The following BAIAP2L1 variants were observed in gnomAD, a reference collection of about 807,000 sequenced individuals.
BAIAP2L1 encodes the protein BAR/IMD domain-containing adapter protein 2-like 1.
A neutral mutation model predicts 66.3 loss-of-function variants in BAIAP2L1; 35 were observed. The ratio of observed to expected loss-of-function variants is 0.53; its 90% CI spans 0.40 to 0.70. The LOEUF (loss-of-function observed/expected upper bound fraction) is 0.70, where lower values mean the gene tolerates loss of function less well. BAIAP2L1 is among the 30% of genes least tolerant of loss of function. The pLI is 0.00. For synonymous variants in BAIAP2L1, 269 were observed against 248.7 expected (o/e 1.08, Z -0.77); for missense variants, 622 against 656.9 (o/e 0.95, Z 0.58).
intron 12 of BAIAP2L1, among the ~76,000 whole-genome samples, 189 bp from the exon 13 acceptor site, chr7:98,294,300 G>A (rs1800095149): frequency 6.6e-6 from 1 of 152,180 alleles, no homozygotes; most frequent in African/African-American, 2.4e-5. Context: ...GCCTGTATTG[G>A]AGATTTTTAA....
chr7:98,392,935 G>T (rs1006235146), intron 1 of BAIAP2L1, among the ~76,000 whole-genome samples: 1 of 145,736 alleles, frequency 6.9e-6, no homozygotes, highest in Non-Finnish European at 1.5e-5. Context: ...TGGAATTACA[G>T]GCACCCGCCA....
intron 2 of BAIAP2L1, among the ~76,000 whole-genome samples, chr7:98,359,749 T>G (rs1312898185): frequency 1.4e-5 from 2 of 146,498 alleles, no homozygotes; most frequent in South Asian, 2.1e-4. Flanking sequence ...ACCTGGGTTT[T>G]TTTTTTTTTT....
At chr7:98,360,740 C>T (rs185163839) in intron 2 of BAIAP2L1, among the ~76,000 whole-genome samples, 130 of 152,256 alleles carry the variant, frequency 8.5e-4, no homozygotes, top group African/African-American at 2.9e-3. Flanking sequence ...ACTAAGCAAT[C>T]TTCGAGGGAG....
rs769453139 is a variant in BAIAP2L1, at chr7:98,315,448, C to T, written c.639+12G>A. The T allele has an allele frequency of 4.3e-6, 6 of 1,406,596 alleles. No homozygotes were observed. The East Asian group carries it at 1.1e-4, about 25-fold the overall frequency. The allele number at this position is 1,406,596 out of a possible 1,614,324, so 87.1% of individuals were successfully genotyped here. A position where few individuals can be genotyped will look rare whatever the true frequency, so the allele number is the denominator to read the frequency against. On this transcript the variant is annotated intron_variant, in intron 7 of 13. Coordinates refer to ENST00000005260, the MANE Select transcript of BAIAP2L1 (RefSeq NM_018842.5). The stretch of plus-strand genomic sequence containing the variant: ...TATTAATACGCTCAAGGCAATTTGC[C>T]ACCACACCCACCTGTAAGTGATAAT...
In BAIAP2L1 at chr7:98,386,690, A is replaced by T; in HGVS notation, c.51+14112T>A. ...CTTCTCTCCTATATTCAACTTTCCA[A>T]AGGTTTTTTTTTTTTTTTTTTTTTT... On this transcript the variant is annotated intron_variant, in intron 1 of 13. Transcript: ENST00000005260. 7 of 400,002 alleles carry T rather than the reference A, an allele frequency of 1.7e-5. No homozygotes were observed. In the South Asian group the frequency reaches 1.8e-4, roughly 10 times the overall value. 24.8% of individuals were successfully genotyped at this position (400,002 alleles called of 1,614,324 possible).
At chr7:98,340,428 C>T (rs1304252786) in intron 3 of BAIAP2L1, among the ~76,000 whole-genome samples, 1 of 152,086 alleles carries the variant, frequency 6.6e-6, no homozygotes, top group Non-Finnish European at 1.5e-5. Flanking sequence ...GCTGGGACTA[C>T]AGGCGCCCGC....
intron 12 of BAIAP2L1, among the ~76,000 whole-genome samples, chr7:98,297,026 C>T (rs534585204): frequency 2.0e-5 from 3 of 152,334 alleles, no homozygotes; most frequent in East Asian, 3.9e-4. Context: ...CCCAGGGCCC[C>T]GCGGGCACTG....
intron 1 of BAIAP2L1, among the ~76,000 whole-genome samples, chr7:98,373,271 T>A (rs1285455773): frequency 6.6e-6 from 1 of 152,104 alleles, no homozygotes; most frequent in Admixed American, 6.5e-5. Flanking sequence ...TACAGAAAAA[T>A]TAGACAACTG....
intron 1 of BAIAP2L1, among the ~76,000 whole-genome samples, chr7:98,388,985 CAA>C (rs1196354587): frequency 1.1e-4 from 16 of 149,438 alleles, no homozygotes; most frequent in South Asian, 4.2e-4. Context: ...AAAAAAAAAA[CAA>C]AAAACAAACC....
chr7:98,358,960 G>C (rs1215904958), intron 2 of BAIAP2L1, among the ~76,000 whole-genome samples: 1 of 152,132 alleles, frequency 6.6e-6, no homozygotes, highest in Non-Finnish European at 1.5e-5. Flanking sequence ...ACTCCTGCAG[G>C]GACTTGAGAG....
At position 98,308,808 on chromosome 7, in the gene BAIAP2L1, G is replaced by C. The variant is rs145103361; in HGVS notation, c.956-912C>G. ...TCCTCCCTCCTCAGCCTCCTAAGTA[G>C]CTGGGACTACAGGCACACGCCGCCA... On this transcript the variant is annotated intron_variant, in intron 9 of 13. Transcript: ENST00000005260. The C allele has an allele frequency of 4.5e-3, 692 of 154,508 alleles. 2 individuals carry two copies. The highest frequency in any genetic ancestry group is 0.011 in the African/African-American group (461 of 41,542). The allele number at this position is 154,508 out of a possible 1,614,324, so 9.6% of individuals were successfully genotyped here. A position where few individuals can be genotyped will look rare whatever the true frequency, so the allele number is the denominator to read the frequency against.
intron 3 of BAIAP2L1, among the ~76,000 whole-genome samples, chr7:98,330,870 T>C (rs529962931): frequency 1.3e-4 from 20 of 152,144 alleles, no homozygotes; most frequent in East Asian, 1.2e-3. Context: ...TGTGGACTAA[T>C]AGAGTGAGAA....
intron 3 of BAIAP2L1, among the ~76,000 whole-genome samples, chr7:98,331,197 A>G (rs543497630): frequency 6.6e-6 from 1 of 152,338 alleles, no homozygotes; most frequent in African/African-American, 2.4e-5. Context: ...ATGCAAGGAG[A>G]ATAAAGAACA....
At chr7:98,314,199 TCTCAAA>T (rs1800988781) in intron 7 of BAIAP2L1, among the ~76,000 whole-genome samples, 1 of 151,986 alleles carries the variant, frequency 6.6e-6, no homozygotes, top group South Asian at 2.1e-4. Flanking sequence ...GCCAGGCTGG[TCTCAAA>T]CTCCTGACCT....
chr7:98,292,616 C>T lies in BAIAP2L1; in HGVS notation c.*905G>A. On this transcript the variant is annotated 3_prime_UTR_variant, in exon 14 of 14. Transcript: ENST00000005260. Reference sequence around the variant, plus strand: ...TTCCGAGGGCATCATGGCTGCTAGGCTGAAAAACCCGCCCTTCTCCAGGCA... The same window carrying T: ...TTCCGAGGGCATCATGGCTGCTAGGTTGAAAAACCCGCCCTTCTCCAGGCA... The T allele has an allele frequency of 6.4e-7, 1 of 1,551,352 alleles. No individual in the cohort carries two copies. The highest frequency in any genetic ancestry group is 8.7e-7 in the Non-Finnish European group (1 of 1,146,700).
rs373137831 is a variant in BAIAP2L1 at position 98,304,473 on chromosome 7, A to G, written c.1242-97T>C. ...CCTGACCAAGGACAACAGTAATAGT[A>G]CATCACCAATCAAAACCTGATCTTG... On this transcript the variant is annotated intron_variant, in intron 11 of 13. Transcript: ENST00000005260. 5.8e-6 allele frequency: 7 copies of G among 1,205,612 alleles called. No homozygotes were observed. In the East Asian group the frequency reaches 7.5e-5, roughly 13 times the overall value. 74.7% of individuals were successfully genotyped at this position (1,205,612 alleles called of 1,614,324 possible). A position where few individuals can be genotyped will look rare whatever the true frequency, so the allele number is the denominator to read the frequency against.
At chr7:98,298,238 A>G (rs947966098) in intron 12 of BAIAP2L1, among the ~76,000 whole-genome samples, 3 of 152,118 alleles carry the variant, frequency 2.0e-5, no homozygotes, top group Non-Finnish European at 4.4e-5. Context: ...CTCTATGGAC[A>G]CCTAAGGTTA....
intron 1 of BAIAP2L1, among the ~76,000 whole-genome samples, chr7:98,379,894 G>C (rs944627122): frequency 1.3e-5 from 2 of 152,144 alleles, no homozygotes; most frequent in African/African-American, 4.8e-5. Context: ...GTGGTTGCCT[G>C]GAGCTGGAAG....
At chr7:98,352,008 C>A (rs1190293026) in intron 3 of BAIAP2L1, among the ~76,000 whole-genome samples, 15 of 152,016 alleles carry the variant, frequency 9.9e-5, no homozygotes. Context: ...GTTGTGAATA[C>A]CAAATACCAA....
Sources: allele counts gnomAD v4.1 joint callset (sites outside exome capture counted in the v4.1 genomes callset), GRCh38; gene constraint gnomAD v4.1.1; transcripts MANE v1.5; gene names NCBI Gene and HGNC (gene_info 2026-07-23, HGNC 2026-07-21).